Variants in ZRANB3 observed in about 807,000 individuals in gnomAD.
The protein encoded by ZRANB3 is zinc finger RANBP2-type containing 3, also known as DNA annealing helicase and endonuclease ZRANB3.
A neutral mutation model predicts 133.8 loss-of-function variants in ZRANB3; 125 were observed. That is an observed-to-expected ratio of 0.93 (90% CI 0.81 to 1.08). The LOEUF is 1.08. Among genes scored for constraint, ZRANB3 ranks in the 50% least tolerant of loss-of-function variants. The probability of loss-of-function intolerance (pLI) is 0.00; values close to 1 mark genes in which losing one functional copy is unlikely to be tolerated. For missense variants in ZRANB3, 1,229 were observed against 1,275.5 expected (o/e 0.96, Z 0.56); for synonymous variants, 387 against 432.7 (o/e 0.89, Z 1.31).
At chr2:135,252,522 G>T (rs1162435016) in intron 12 of ZRANB3, among the ~76,000 whole-genome samples, 1 of 152,132 alleles carries the variant, frequency 6.6e-6, no homozygotes, top group African/African-American at 2.4e-5. Flanking sequence ...AACTCAGGGG[G>T]TTAAATTAAT....
chr2:135,506,353 G>A (rs1019686346), intron 1 of ZRANB3, among the ~76,000 whole-genome samples: 5 of 152,066 alleles, frequency 3.3e-5, no homozygotes, highest in African/African-American at 4.8e-5. Flanking sequence ...TCGCACCACT[G>A]CACTCCAGCT....
At chr2:135,294,122 G>A (rs1041117912) in intron 8 of ZRANB3, among the ~76,000 whole-genome samples, 1 of 152,196 alleles carries the variant, frequency 6.6e-6, no homozygotes, top group African/African-American at 2.4e-5. Flanking sequence ...GATGAGTTAG[G>A]GAGGATTCCC....
chr2:135,245,122 A>T (rs1443428064), intron 12 of ZRANB3, among the ~76,000 whole-genome samples: 1 of 152,276 alleles, frequency 6.6e-6, no homozygotes, highest in Non-Finnish European at 1.5e-5. Flanking sequence ...GGCTAATGTT[A>T]TGATGGCTAA....
intron 2 of ZRANB3, among the ~76,000 whole-genome samples, chr2:135,481,177 G>A (rs1169458115): frequency 6.6e-6 from 1 of 151,270 alleles, no homozygotes; most frequent in Non-Finnish European, 1.5e-5. Flanking sequence ...CTAGATCCCT[G>A]AGGAATCGCC....
chr2:135,204,743 TTATATTATATATTTATATA>T (rs900751268), intron 19 of ZRANB3, among the ~76,000 whole-genome samples: 15 of 145,704 alleles, frequency 1.0e-4, no homozygotes, highest in Non-Finnish European at 2.1e-4. Context: ...AAATATATAT[TTATATTATATATTTATATA>T]TATATTATAT....
intron 2 of ZRANB3, among the ~76,000 whole-genome samples, chr2:135,481,697 A>C (rs1691819671): frequency 6.6e-6 from 1 of 150,748 alleles, no homozygotes; most frequent in Non-Finnish European, 1.5e-5. Flanking sequence ...GCCCATGCCT[A>C]TGTCCTGAAT....
chr2:135,209,551 G>A (rs1039157335), intron 17 of ZRANB3, among the ~76,000 whole-genome samples: 2 of 152,124 alleles, frequency 1.3e-5, no homozygotes, highest in African/African-American at 4.8e-5. Context: ...CAGAAATAAA[G>A]CCACTCTTGA....
At chr2:135,414,754 C>A (rs1347510571) in intron 2 of ZRANB3, among the ~76,000 whole-genome samples, 1 of 152,150 alleles carries the variant, frequency 6.6e-6, no homozygotes, top group African/African-American at 2.4e-5. Context: ...AACAAACTCT[C>A]TCTCAGACCA....
chr2:135,485,029 G>A (rs533143201), intron 2 of ZRANB3, among the ~76,000 whole-genome samples: 2 of 151,822 alleles, frequency 1.3e-5, no homozygotes, highest in East Asian at 3.9e-4. Flanking sequence ...GAGTGAGACT[G>A]TCTCAAAGAA....
chr2:135,287,784 G>C (rs1681458464), intron 8 of ZRANB3, among the ~76,000 whole-genome samples: 1 of 142,474 alleles, frequency 7.0e-6, no homozygotes, highest in South Asian at 2.3e-4. Flanking sequence ...CATCGATTTT[G>C]TATCCTGAAA....
chr2:135,421,223 T>C (rs907196040), intron 2 of ZRANB3, among the ~76,000 whole-genome samples: 19 of 152,324 alleles, frequency 1.2e-4, no homozygotes, highest in Admixed American at 1.2e-3. Flanking sequence ...GAACTGCTTG[T>C]AAAATTCTGA....
intron 11 of ZRANB3, among the ~76,000 whole-genome samples, chr2:135,268,042 A>T (rs536801453): frequency 8.1e-4 from 124 of 152,280 alleles, no homozygotes; most frequent in African/African-American, 2.7e-3. Context: ...TCCTAATCTC[A>T]GACTTCTAGC....
At chr2:135,237,685 G>A (rs1032151426) in intron 12 of ZRANB3, among the ~76,000 whole-genome samples, 4 of 151,498 alleles carry the variant, frequency 2.6e-5, no homozygotes, top group Non-Finnish European at 2.9e-5. Context: ...GCAAACTATC[G>A]CAAGGACAAA....
chr2:135,345,074 T>C (rs1160712790), intron 6 of ZRANB3: 1 of 152,202 alleles, frequency 6.6e-6, no homozygotes. Flanking sequence ...AAATAAATAA[T>C]TTCAAAAATA....
chr2:135,270,523 T>C (rs771679695), intron 10 of ZRANB3, among the ~76,000 whole-genome samples: 2 of 152,186 alleles, frequency 1.3e-5, no homozygotes, highest in Non-Finnish European at 2.9e-5. Context: ...TGTCTGGCTT[T>C]CTCCTACTTA....
Position 135,511,990 on chromosome 2 carries a change from A to G in ZRANB3, c.-7-7494T>C. 12 of 683,730 alleles carry G rather than the reference A, an allele frequency of 1.8e-5. 1 individual carries two copies. The South Asian group carries it at 1.9e-4, about 11-fold the overall frequency. The allele number at this position is 683,730 out of a possible 1,614,324, so 42.4% of individuals were successfully genotyped here. A position where few individuals can be genotyped will look rare whatever the true frequency, so the allele number is the denominator to read the frequency against. ...AGGGGAAAAAGTCAAATATGTCCAA[A>G]CCTGTGCGGCTGAGCTGGAGAGGAA... On this transcript the variant is annotated intron_variant, in intron 1 of 20. Coordinates refer to ENST00000264159, the MANE Select transcript of ZRANB3 (RefSeq NM_032143.4).
rs936286942 is a variant in ZRANB3 at position 135,216,327 on chromosome 2, T to G, written c.2495+1138A>C. Among the ~76,000 whole-genome samples the G allele has an allele frequency of 2.6e-5, 4 of 152,302 alleles. No homozygotes were observed. The East Asian group carries it at 7.7e-4, about 29-fold the overall frequency. On this transcript the variant is annotated intron_variant, in intron 17 of 20. Transcript: ENST00000264159. Reference sequence around the variant, plus strand: ...AAAAGCTAGAGAAAGGAAACCTCTCTGATAAACTGATGAAATATAAGGATG... The same window carrying G: ...AAAAGCTAGAGAAAGGAAACCTCTCGGATAAACTGATGAAATATAAGGATG...
chr2:135,393,005 G>A (rs1204297347), intron 2 of ZRANB3, among the ~76,000 whole-genome samples: 1 of 151,624 alleles, frequency 6.6e-6, no homozygotes, highest in African/African-American at 2.4e-5. Flanking sequence ...AAAGTAGCTG[G>A]GACTACAGGT....
At chr2:135,426,907 T>A (rs1272845780) in intron 2 of ZRANB3, among the ~76,000 whole-genome samples, 2 of 87,494 alleles carry the variant, frequency 2.3e-5, no homozygotes, top group African/African-American at 4.9e-5. Flanking sequence ...TATATATATA[T>A]ATATGTGCAA....
Sources: gnomAD v4.1 joint callset for allele counts (sites outside exome capture counted in the v4.1 genomes callset) on GRCh38, gnomAD v4.1.1 for gene constraint, MANE v1.5 for transcripts, NCBI Gene and HGNC (gene_info 2026-07-23, HGNC 2026-07-21) for gene names.